Variants in LRP1B observed in about 807,000 individuals in gnomAD.
LRP1B encodes the protein LDL receptor related protein 1B, also known as low-density lipoprotein receptor-related protein 1B.
Under a neutral mutation model 556.6 loss-of-function variants are expected in LRP1B, and 217 were observed. The ratio of observed to expected loss-of-function variants is 0.39; its 90% CI spans 0.35 to 0.44. The LOEUF (loss-of-function observed/expected upper bound fraction) is 0.44. LRP1B is among the 20% of genes least tolerant of loss of function. The pLI is 1.00. For missense variants in LRP1B, 5,053 were observed against 5,620.8 expected (o/e 0.90, Z 3.23); for synonymous variants, 2,047 against 1,865.8 (o/e 1.10, Z -2.50).
intron 3 of LRP1B, among the ~76,000 whole-genome samples, chr2:141,290,643 C>A (rs1024422007): frequency 6.6e-6 from 1 of 152,104 alleles, no homozygotes; most frequent in Non-Finnish European, 1.5e-5. Flanking sequence ...ATATTTAGAC[C>A]TTTTCCTGCA....
intron 62 of LRP1B, among the ~76,000 whole-genome samples, chr2:140,454,866 T>G (rs1687032746): frequency 6.8e-6 from 1 of 146,078 alleles, no homozygotes; most frequent in African/African-American, 2.5e-5. Flanking sequence ...CTTCAAAGAA[T>G]GCTGTGATTT....
chr2:140,659,698 C>T (rs895656364), intron 41 of LRP1B, among the ~76,000 whole-genome samples: 4 of 152,020 alleles, frequency 2.6e-5, no homozygotes, highest in African/African-American at 9.7e-5. Flanking sequence ...TGAACTCTCA[C>T]TGGGGAGACA....
At chr2:140,635,594 A>G (rs565760720) in intron 41 of LRP1B, among the ~76,000 whole-genome samples, 1 of 152,066 alleles carries the variant, frequency 6.6e-6, no homozygotes, top group East Asian at 1.9e-4. Flanking sequence ...TCTCAGAAGG[A>G]TATCTTTCCA....
At chr2:142,031,105 C>A (rs2105195488) in intron 1 of LRP1B, among the ~76,000 whole-genome samples, 1 of 151,816 alleles carries the variant, frequency 6.6e-6, no homozygotes, top group East Asian at 2.0e-4. Flanking sequence ...TTTTACAAAT[C>A]TTCACACAAG....
intron 24 of LRP1B, 116 bp from the exon 25 acceptor site, chr2:140,884,137 T>C: frequency 1.1e-6 from 1 of 947,770 alleles, no homozygotes; most frequent in Non-Finnish European, 1.6e-6. Flanking sequence ...GATTTCAACT[T>C]TGAGAGATTG....
chr2:141,647,920 C>T (rs941953217), intron 2 of LRP1B, among the ~76,000 whole-genome samples: 6 of 151,204 alleles, frequency 4.0e-5, no homozygotes, highest in Non-Finnish European at 5.9e-5. Flanking sequence ...GTGTAGAGAA[C>T]CAAAAAATAA....
At chr2:141,988,128 T>C (rs933402479) in intron 1 of LRP1B, among the ~76,000 whole-genome samples, 1 of 151,826 alleles carries the variant, frequency 6.6e-6, no homozygotes, top group Admixed American at 6.6e-5. Context: ...GAAATAAAAC[T>C]ATTAAGAACT....
At chr2:140,386,061 C>T in intron 66 of LRP1B, 52 bp from the exon 67 acceptor site, 1 of 1,102,990 alleles carries the variant, frequency 9.1e-7, no homozygotes, top group Non-Finnish European at 1.4e-6. Context: ...GAAGACATCC[C>T]TCACAACGTC....
chr2:141,932,589 A>C (rs944929445), intron 1 of LRP1B, among the ~76,000 whole-genome samples: 1 of 152,090 alleles, frequency 6.6e-6, no homozygotes, highest in South Asian at 2.1e-4. Flanking sequence ...GAAGAAAATA[A>C]ATTTTAAATT....
chr2:140,546,739 C>T (rs955121516), intron 43 of LRP1B, among the ~76,000 whole-genome samples: 1 of 152,080 alleles, frequency 6.6e-6, no homozygotes, highest in African/African-American at 2.4e-5. Context: ...TTGCCTTGTG[C>T]TGATTTTCAA....
chr2:141,434,307 A>C (rs539335255), intron 3 of LRP1B, among the ~76,000 whole-genome samples: 1 of 152,100 alleles, frequency 6.6e-6, no homozygotes, highest in South Asian at 2.1e-4. Context: ...TTCAAGTTAC[A>C]TATTCTATCT....
chr2:141,623,514 C>A (rs1336469029), intron 2 of LRP1B, among the ~76,000 whole-genome samples: 1 of 152,066 alleles, frequency 6.6e-6, no homozygotes, highest in Non-Finnish European at 1.5e-5. Context: ...ATAGCAATCC[C>A]CACTGTTCTC....
At chr2:142,108,298 C>T (rs568586378) in intron 1 of LRP1B, among the ~76,000 whole-genome samples, 2 of 152,092 alleles carry the variant, frequency 1.3e-5, no homozygotes, top group African/African-American at 2.4e-5. Flanking sequence ...CTCAAATAAG[C>T]TTCTATATGT....
intron 41 of LRP1B, among the ~76,000 whole-genome samples, chr2:140,624,122 A>G (rs566267519): frequency 6.6e-6 from 1 of 152,038 alleles, no homozygotes; most frequent in East Asian, 1.9e-4. Flanking sequence ...AACCCATTAC[A>G]AAGGTTGCTT....
chr2:141,415,653 T>A (rs1034411982), intron 3 of LRP1B, among the ~76,000 whole-genome samples: 3 of 152,206 alleles, frequency 2.0e-5, no homozygotes, highest in African/African-American at 7.2e-5. Flanking sequence ...TCTTAAGTAT[T>A]ACAAAAAGCG....
intron 2 of LRP1B, among the ~76,000 whole-genome samples, chr2:141,632,288 A>C (rs2105350795): frequency 6.6e-6 from 1 of 151,986 alleles, no homozygotes; most frequent in South Asian, 2.1e-4. Flanking sequence ...AGCACTTAAA[A>C]CTCTTAATAT....
intron 89 of LRP1B, among the ~76,000 whole-genome samples, chr2:140,235,787 C>G (rs1278046661): frequency 6.6e-6 from 1 of 150,692 alleles, no homozygotes; most frequent in Non-Finnish European, 1.5e-5. Context: ...AATTCTATCA[C>G]TAGAAATAAA....
At chr2:141,880,047 C>T (rs1208946649) in intron 1 of LRP1B, among the ~76,000 whole-genome samples, 2 of 127,892 alleles carry the variant, frequency 1.6e-5, no homozygotes, top group African/African-American at 5.0e-5. Flanking sequence ...TCACTTCACA[C>T]TTTAGAAATT....
intron 1 of LRP1B, among the ~76,000 whole-genome samples, chr2:141,822,114 CACACACACACACACACAGAG>C (rs1460957655): frequency 1.8e-5 from 2 of 111,558 alleles, no homozygotes; most frequent in Admixed American, 9.5e-5. Context: ...CACACACACA[CACACACACACACACACAGAG>C]AGAGAGAGAG....
Sources: allele counts gnomAD v4.1 joint callset (sites outside exome capture counted in the v4.1 genomes callset), GRCh38; gene constraint gnomAD v4.1.1; transcripts MANE v1.5; gene names NCBI Gene and HGNC (gene_info 2026-07-23, HGNC 2026-07-21).